The following SCPEP1 variants were observed in gnomAD, a reference collection of about 807,000 sequenced individuals.
SCPEP1 encodes serine carboxypeptidase 1, also known as retinoid-inducible serine carboxypeptidase.
In SCPEP1, 51 loss-of-function variants were observed where a neutral mutation model predicts 63.8. That is an observed-to-expected ratio of 0.80 (90% CI 0.64 to 1.01). The LOEUF (loss-of-function observed/expected upper bound fraction) is 1.01, where lower values mean the gene tolerates loss of function less well. Among genes scored for constraint, SCPEP1 ranks in the 50% least tolerant of loss-of-function variants. SCPEP1 has a pLI of 0.00. For synonymous variants in SCPEP1, 204 were observed against 207.8 expected, an observed-to-expected ratio of 0.98 and a Z score of 0.16; for missense variants, 499 against 554.9, an observed-to-expected ratio of 0.90 and a Z score of 1.01.
rs1313128930 is a variant in SCPEP1 at position 56,988,279 on chromosome 17, G to A, written c.535G>A (p.Glu179Lys). The A allele has an allele frequency of 6.2e-7, 1 of 1,611,170 alleles. No individual in the cohort carries two copies. The highest frequency in any genetic ancestry group is 1.7e-5 in the Admixed American group (1 of 59,812). The change falls in exon 5 of 13, where the codon GAG becomes AAG. Residue 179 changes from glutamate to lysine, a missense_variant. Transcript: ENST00000262288. Reference sequence around the variant, plus strand: ...AAAAATGGCAGCTGGCATTGGTCTAGAGCTTTATAAGGTAATGGAAAATAA... The same window carrying A: ...AAAAATGGCAGCTGGCATTGGTCTAAAGCTTTATAAGGTAATGGAAAATAA... ...GGKMAAGIGLELYKAIQRGTI... is the reference protein window; with the variant it reads ...GGKMAAGIGLKLYKAIQRGTI...
At chr17:56,993,139 C>T (rs748503296) in intron 6 of SCPEP1, among the ~76,000 whole-genome samples, 1 of 152,220 alleles carries the variant, frequency 6.6e-6, no homozygotes, top group African/African-American at 2.4e-5. Context: ...TTGATCTGCA[C>T]TGTCACTAAG....
intron 6 of SCPEP1, among the ~76,000 whole-genome samples, chr17:56,994,033 A>G (rs1911473989): frequency 1.3e-5 from 2 of 152,132 alleles, no homozygotes; most frequent in South Asian, 4.1e-4. Context: ...CTCAGAGAGT[A>G]CTCTAAAAGA....
rs577814384 is a variant in SCPEP1 at position 57,004,251 on chromosome 17, G to A, written c.1297-1922G>A. Among the ~76,000 whole-genome samples, 207 of 152,284 alleles carry A rather than the reference G, an allele frequency of 1.4e-3. 2 individuals carry two copies. Among genetic ancestry groups the A allele is most frequent in the Middle Eastern group, 6.8e-3 (2 of 294 alleles). On this transcript the variant is annotated intron_variant, in intron 12 of 12. Coordinates refer to ENST00000262288, the MANE Select transcript of SCPEP1 (RefSeq NM_021626.3). ...AAAAAAGAACAAAAATCAACTGGGC[G>A]CGGTGGCGCCTGCCTGTGGTCTCAG...
chr17:57,002,139 C>G lies in SCPEP1; in HGVS notation c.1254C>G (p.Tyr418Ter), dbSNP rs371140516. 1 of 1,614,210 alleles carries G rather than the reference C, an allele frequency of 6.2e-7. No individual in the cohort carries two copies. The highest frequency in any genetic ancestry group is 8.5e-7 in the Non-Finnish European group (1 of 1,180,024). ...SLETSAFVKS[Y>*]KNLAFYWILK... ...AAACATCTGCTTTTGTCAAGTCCTA[C>G]AAGAACCTTGCTTTCTACTGGATTC... Residue 418 changes from tyrosine (Y) to a stop codon, truncating the protein, a stop_gained, in exon 12 of 13, where the codon TAC becomes TAG. Transcript: ENST00000262288. LOFTEE classifies it high-confidence loss of function.
intron 2 of SCPEP1, among the ~76,000 whole-genome samples, chr17:56,981,983 C>T (rs1030197218): frequency 6.6e-6 from 1 of 152,216 alleles, no homozygotes; most frequent in South Asian, 2.1e-4. Flanking sequence ...TCTGCACCTT[C>T]GTGTGACTGT....
At chr17:56,979,642 T>C (rs887948271) in intron 1 of SCPEP1, among the ~76,000 whole-genome samples, 1 of 152,268 alleles carries the variant, frequency 6.6e-6, no homozygotes, top group Non-Finnish European at 1.5e-5. Context: ...TAGGGGATTA[T>C]AGGATACGTA....
intron 10 of SCPEP1, among the ~76,000 whole-genome samples, 163 bp downstream of exon 10, chr17:56,998,661 G>A (rs1175673525): frequency 6.6e-6 from 1 of 152,172 alleles, no homozygotes; most frequent in East Asian, 1.9e-4. Context: ...AATAGATACA[G>A]AGACAGTAAA....
chr17:56,982,586 C>T (rs1178776817), intron 2 of SCPEP1, among the ~76,000 whole-genome samples: 1 of 152,148 alleles, frequency 6.6e-6, no homozygotes, highest in Non-Finnish European at 1.5e-5. Context: ...AGAGCCAGGC[C>T]GTGGACAAGC....
Position 56,978,147 on chromosome 17 carries a change from T to A in SCPEP1, c.-13T>A. ...GTCCAGCCTGTTGCTGATGCTGCCG[T>A]GCGGTACTTGTCATGGAGCTGGCAC... is the stretch of plus-strand genomic sequence containing the variant. On this transcript the variant is annotated 5_prime_UTR_variant, in exon 1 of 13. Coordinates refer to ENST00000262288, the MANE Select transcript of SCPEP1 (RefSeq NM_021626.3). The A allele has an allele frequency of 7.9e-7, 1 of 1,270,436 alleles. No individual in the cohort carries two copies. The highest frequency in any genetic ancestry group is 1.2e-5 in the South Asian group (1 of 82,786). 78.7% of individuals were successfully genotyped at this position (1,270,436 alleles called of 1,614,324 possible).
In SCPEP1 at chr17:57,003,963, C is replaced by T. The variant is rs547540512; in HGVS notation, c.1296+1782C>T. Among the ~76,000 whole-genome samples the T allele has an allele frequency of 7.9e-5, 12 of 152,194 alleles. 1 individual carries two copies. The East Asian group carries it at 9.7e-4, about 12-fold the overall frequency. ...CCTGTAATCCCAGCATTTTGGGAGG[C>T]GAAGGCAGGTGGATCACCTGAGGTC... is the stretch of plus-strand genomic sequence containing the variant. On this transcript the variant is annotated intron_variant, in intron 12 of 12. Coordinates refer to ENST00000262288, the MANE Select transcript of SCPEP1 (RefSeq NM_021626.3).
intron 9 of SCPEP1, among the ~76,000 whole-genome samples, chr17:56,997,512 C>T (rs1221591454): frequency 2.0e-5 from 3 of 152,184 alleles, no homozygotes; most frequent in African/African-American, 7.2e-5. Context: ...AACCAAGAAG[C>T]ATATAAAGGC....
chr17:56,988,862 A>C (rs904199591), intron 5 of SCPEP1, among the ~76,000 whole-genome samples: 22 of 152,078 alleles, frequency 1.4e-4, no homozygotes, highest in African/African-American at 4.8e-4. Context: ...ATAAAATATT[A>C]ATTCTGGATG....
At position 56,978,133 on chromosome 17, in the gene SCPEP1, T is replaced by G. The variant is rs762675435; in HGVS notation, c.-27T>G. Reference sequence around the variant, plus strand: ...TGATGGGGCGCCGGGTCCAGCCTGTTGCTGATGCTGCCGTGCGGTACTTGT... The same window carrying G: ...TGATGGGGCGCCGGGTCCAGCCTGTGGCTGATGCTGCCGTGCGGTACTTGT... On this transcript the variant is annotated 5_prime_UTR_variant, in exon 1 of 13. Transcript: ENST00000262288. 36 of 1,144,588 alleles carry G rather than the reference T, an allele frequency of 3.1e-5. No individual in the cohort carries two copies. The highest frequency in any genetic ancestry group is 4.2e-5 in the Non-Finnish European group (33 of 790,744). The allele number at this position is 1,144,588 out of a possible 1,614,324, so 70.9% of individuals were successfully genotyped here.
chr17:56,982,217 C>T (rs953342902), intron 2 of SCPEP1, among the ~76,000 whole-genome samples: 2 of 152,084 alleles, frequency 1.3e-5, no homozygotes, highest in African/African-American at 4.8e-5. Flanking sequence ...TAGGCATGGC[C>T]CAGCTGGAAC....
chr17:56,985,345 A>G, intron 2 of SCPEP1, 33 bp from the exon 3 acceptor site: 1 of 1,558,260 alleles, frequency 6.4e-7, no homozygotes, highest in South Asian at 1.1e-5. Context: ...AGATCTGACT[A>G]AAATTTTTGT....
In SCPEP1 at chr17:56,998,594, T is replaced by G. The variant is rs1195737500; in HGVS notation, c.994+96T>G. On this transcript the variant is annotated intron_variant, in intron 10 of 12. Transcript: ENST00000262288. ...TGAATTTGTAGGGTGGGTTTTGTTG[T>G]TGGTGATGATAGGTTATAGGTAAAC... The G allele has an allele frequency of 7.9e-6, 7 of 886,586 alleles. No homozygotes were observed. In the East Asian group the frequency reaches 9.9e-5, roughly 13 times the overall value. The allele number at this position is 886,586 out of a possible 1,614,324, so 54.9% of individuals were successfully genotyped here.
intron 1 of SCPEP1, among the ~76,000 whole-genome samples, chr17:56,980,001 TTC>T (rs1911023100): frequency 6.6e-6 from 1 of 152,236 alleles, no homozygotes; most frequent in Non-Finnish European, 1.5e-5. Context: ...GGACCTAAAT[TTC>T]TCTTTTTTTC....
intron 1 of SCPEP1, among the ~76,000 whole-genome samples, chr17:56,980,015 C>G (rs897960248): frequency 1.3e-5 from 2 of 151,716 alleles, no homozygotes; most frequent in African/African-American, 2.4e-5. Context: ...CTTTTTTTCT[C>G]CAAAAAAGGT....
Position 56,995,510 on chromosome 17 carries a change from C to T in SCPEP1, c.661C>T (p.Leu221Phe). Reference protein sequence around the residue: ...SWGPYLYSMSLLEDKGLAEVS... With the variant: ...SWGPYLYSMSFLEDKGLAEVS... ...TTGCTCTTGGTTTGCATTCCAGTCT[C>T]TTCTCGAAGACAAAGGTCTGGCAGA... The change falls in exon 8 of 13, where the codon CTT becomes TTT. Residue 221 changes from leucine to phenylalanine, a missense_variant. Transcript: ENST00000262288. 6.2e-7 allele frequency: 1 copy of T among 1,612,104 alleles called. No homozygotes were observed. The highest frequency in any genetic ancestry group is 8.5e-7 in the Non-Finnish European group (1 of 1,179,468).
Sources: gnomAD v4.1 joint callset for allele counts (sites outside exome capture counted in the v4.1 genomes callset) on GRCh38, gnomAD v4.1.1 for gene constraint, MANE v1.5 for transcripts, NCBI Gene and HGNC (gene_info 2026-07-23, HGNC 2026-07-21) for gene names.